TBC1D2B: variants seen among roughly 807,000 people sequenced by gnomAD.
TBC1D2B encodes TBC1 domain family member 2B, also known as TBC1 domain family, member 2B.
A neutral mutation model predicts 100.8 loss-of-function variants in TBC1D2B; 64 were observed. The ratio of observed to expected loss-of-function variants is 0.64; its 90% CI spans 0.52 to 0.78. The LOEUF is 0.78. TBC1D2B is among the 30% of genes least tolerant of loss of function. TBC1D2B has a pLI of 0.00. For synonymous variants in TBC1D2B, 480 were observed against 479.7 expected (o/e 1.00, Z -0.01); for missense variants, 1,052 against 1,218.4 (o/e 0.86, Z 2.03).
intron 6 of TBC1D2B, among the ~76,000 whole-genome samples, chr15:78,019,236 C>T (rs1490916553): frequency 1.3e-5 from 2 of 152,180 alleles, no homozygotes; most frequent in African/African-American, 2.4e-5. Context: ...GGAGCACTTG[C>T]GATGGGTTAC....
rs566361840 is a variant in TBC1D2B, at chr15:78,043,050, T to C, written c.683+1850A>G. Among the ~76,000 whole-genome samples the C allele has an allele frequency of 2.2e-4, 33 of 152,310 alleles. 1 individual carries two copies. The South Asian group carries it at 6.8e-3, about 32-fold the overall frequency. ...TGGTCTTCTGAGGTCTGAGTACCCC[T>C]GACATTCAGCTCCAATATAACCTAT... On this transcript the variant is annotated intron_variant, in intron 3 of 12. Coordinates refer to ENST00000300584, the MANE Select transcript of TBC1D2B (RefSeq NM_144572.2).
intron 6 of TBC1D2B, among the ~76,000 whole-genome samples, chr15:78,018,783 C>G (rs1444999420): frequency 6.6e-6 from 1 of 152,104 alleles, no homozygotes; most frequent in Admixed American, 6.5e-5. Flanking sequence ...TCATGTAAAA[C>G]ACTGAAAATG....
In TBC1D2B at chr15:78,016,634, C is replaced by G; in HGVS notation, c.1687G>C (p.Glu563Gln). ...VCSEDQGPTR[E>Q]VIAQLLEDAL... Reference sequence around the variant, plus strand: ...TCCTCCAGCAACTGGGCTATGACCTCCCGGGTGGGCCCCTGGTCTTCTGAG... The same window carrying G: ...TCCTCCAGCAACTGGGCTATGACCTGCCGGGTGGGCCCCTGGTCTTCTGAG... The change falls in exon 8 of 13, where the codon GAG (glutamate) becomes CAG (glutamine). Residue 563 changes from glutamate (E) to glutamine (Q), a missense_variant. By Grantham distance (29) the Glu-to-Gln change is conservative. This residue lies in a region of TBC1D2B where 373 missense variants were observed against 464.9 expected (regional missense o/e 0.80). Coordinates refer to ENST00000300584, the MANE Select transcript of TBC1D2B (RefSeq NM_144572.2). 6.2e-7 allele frequency: 1 copy of G among 1,612,812 alleles called. No individual in the cohort carries two copies. Among genetic ancestry groups the G allele is most frequent in the Non-Finnish European group, 8.5e-7 (1 of 1,179,366 alleles).
chr15:78,069,779 C>A (rs193276831), intron 1 of TBC1D2B, among the ~76,000 whole-genome samples: 2 of 152,262 alleles, frequency 1.3e-5, no homozygotes, highest in East Asian at 3.9e-4. Flanking sequence ...TAGATGGAGG[C>A]CCCAGAAGGA....
At chr15:78,010,227 C>A (rs1215963211) in intron 9 of TBC1D2B, among the ~76,000 whole-genome samples, 1 of 152,112 alleles carries the variant, frequency 6.6e-6, no homozygotes, top group Non-Finnish European at 1.5e-5. Flanking sequence ...GGGAAGAGGA[C>A]CATGTGTCTC....
intron 1 of TBC1D2B, among the ~76,000 whole-genome samples, chr15:78,074,664 A>C (rs901718389): frequency 1.1e-4 from 16 of 152,152 alleles, no homozygotes; most frequent in South Asian, 2.1e-4. Flanking sequence ...ACCAGAGCTC[A>C]TCAGCCCCAT....
At chr15:77,999,024 G>A (rs1438278218) in intron 12 of TBC1D2B, 5 of 224,886 alleles carry the variant, frequency 2.2e-5, no homozygotes, top group South Asian at 5.4e-5. Context: ...ATAAAAACAA[G>A]ACCAAAAGCT....
chr15:78,039,235 C>A (rs1409358604), intron 3 of TBC1D2B, among the ~76,000 whole-genome samples: 1 of 152,198 alleles, frequency 6.6e-6, no homozygotes, highest in African/African-American at 2.4e-5. Flanking sequence ...GAAAAACTTC[C>A]CCTAATTCAC....
Position 78,016,434 on chromosome 15 carries a change from G to A in TBC1D2B, c.1775+112C>T, listed in dbSNP as rs1473163479. The A allele has an allele frequency of 1.3e-5, 13 of 980,364 alleles. No individual in the cohort carries two copies. The East Asian group carries it at 3.0e-4, about 22-fold the overall frequency. 60.7% of individuals were successfully genotyped at this position (980,364 alleles called of 1,614,324 possible). A position where few individuals can be genotyped will look rare whatever the true frequency, so the allele number is the denominator to read the frequency against. On this transcript the variant is annotated intron_variant, in intron 8 of 12. Transcript: ENST00000300584. ...GCTGACCTGACAGCATTTGTCATGA[G>A]CACCAAATGAGACACACAGTTGTGT...
intron 8 of TBC1D2B, among the ~76,000 whole-genome samples, chr15:78,013,739 CAA>C (rs1158019064): frequency 1.3e-5 from 2 of 150,398 alleles, no homozygotes; most frequent in Admixed American, 1.3e-4. Flanking sequence ...TAAAAAAAAA[CAA>C]AGAATGTATT....
At chr15:78,076,017 A>T (rs2073823043) in intron 1 of TBC1D2B, among the ~76,000 whole-genome samples, 1 of 152,162 alleles carries the variant, frequency 6.6e-6, no homozygotes, top group Non-Finnish European at 1.5e-5. Context: ...AATACGGAAG[A>T]GGAGTGAGAG....
At chr15:78,018,642 C>T (rs143068436) in intron 6 of TBC1D2B, among the ~76,000 whole-genome samples, 7 of 152,268 alleles carry the variant, frequency 4.6e-5, no homozygotes, top group Non-Finnish European at 1.0e-4. Context: ...CAAGTTCTGC[C>T]GAGTCCAACT....
At chr15:78,003,182 G>C (rs563383871) in intron 11 of TBC1D2B, 123 bp downstream of exon 11, 241 of 784,362 alleles carry the variant, frequency 3.1e-4, no homozygotes, top group Non-Finnish European at 4.7e-4. Flanking sequence ...GCCGTGCTGA[G>C]ATCCCTTGGG....
intron 1 of TBC1D2B, among the ~76,000 whole-genome samples, chr15:78,058,660 A>T (rs2073478224): frequency 6.6e-6 from 1 of 152,216 alleles, no homozygotes; most frequent in Admixed American, 6.5e-5. Context: ...CCAGGACCAC[A>T]CAGCATTCAC....
intron 1 of TBC1D2B, 83 bp from the exon 2 acceptor site, chr15:78,054,270 G>A: frequency 2.2e-6 from 3 of 1,342,478 alleles, no homozygotes; most frequent in Non-Finnish European, 9.8e-7. Context: ...TGAGTAGACT[G>A]TTCAGCTTGC....
chr15:78,000,683 A>C (rs2071888763), intron 12 of TBC1D2B, among the ~76,000 whole-genome samples: 1 of 152,226 alleles, frequency 6.6e-6, no homozygotes, highest in Non-Finnish European at 1.5e-5. Context: ...CCCATTGTCC[A>C]AATCGGCTCT....
chr15:78,005,798 T>C (rs28414393), intron 10 of TBC1D2B, among the ~76,000 whole-genome samples: 1,622 of 152,360 alleles, frequency 0.011, 33 homozygotes, highest in African/African-American at 0.036. Flanking sequence ...GACTTCTGTT[T>C]AGTGATCATC....
chr15:78,075,375 T>A (rs1014992592), intron 1 of TBC1D2B, among the ~76,000 whole-genome samples: 1 of 152,044 alleles, frequency 6.6e-6, no homozygotes, highest in Non-Finnish European at 1.5e-5. Context: ...ATTTTTTGTA[T>A]ATTTAATAGA....
chr15:78,051,966 T>C (rs28526206), intron 2 of TBC1D2B, among the ~76,000 whole-genome samples: 1 of 152,230 alleles, frequency 6.6e-6, no homozygotes, highest in Non-Finnish European at 1.5e-5. Context: ...TATCTAAAAA[T>C]TAATAGAAGT....
Sources: gnomAD v4.1 joint callset for allele counts (sites outside exome capture counted in the v4.1 genomes callset) on GRCh38, gnomAD v4.1.1 for gene constraint, gnomAD v4.1.1 regional missense constraint, MANE v1.5 for transcripts, NCBI Gene and HGNC (gene_info 2026-07-23, HGNC 2026-07-21) for gene names.